The following CTNNA1 variants were observed in gnomAD, a reference collection of about 807,000 sequenced individuals.
CTNNA1 encodes catenin alpha-1.
A neutral mutation model predicts 98.4 loss-of-function variants in CTNNA1; 37 were observed. The ratio of observed to expected loss-of-function variants is 0.38; its 90% CI spans 0.29 to 0.49. The LOEUF (loss-of-function observed/expected upper bound fraction) is 0.49. Among genes scored for constraint, CTNNA1 ranks in the 20% least tolerant of loss-of-function variants. The probability of loss-of-function intolerance (pLI) is 0.95; values close to 1 mark genes in which losing one functional copy is unlikely to be tolerated. For synonymous variants in CTNNA1, 404 were observed against 413.2 expected (o/e 0.98, Z 0.27); for missense variants, 761 against 1,147.2 (o/e 0.66, Z 4.86).
chr5:138,852,859 T>TCG (rs1554089776), intron 7 of CTNNA1, among the ~76,000 whole-genome samples: 7 of 15,644 alleles, frequency 4.5e-4, no homozygotes, highest in East Asian at 0.036. Context: ...TTCCCTCTTT[T>TCG]CGCGCGCGCG....
At chr5:138,875,691 A>G (rs909114990) in intron 7 of CTNNA1, 6 of 985,338 alleles carry the variant, frequency 6.1e-6, no homozygotes, top group Middle Eastern at 5.2e-4. Flanking sequence ...AAATGGGCAG[A>G]AGCCTGCACA....
intron 3 of CTNNA1, among the ~76,000 whole-genome samples, chr5:138,784,932 C>A (rs1755510107): frequency 6.6e-6 from 1 of 152,160 alleles, no homozygotes; most frequent in African/African-American, 2.4e-5. Context: ...TCCAGTATAA[C>A]CTCATCGTAA....
At position 138,874,100 on chromosome 5, in the gene CTNNA1, T is replaced by C; in HGVS notation, c.1063-12112T>C. On this transcript the variant is annotated intron_variant, in intron 7 of 17. Transcript: ENST00000302763. This position sits in a 1 kb window ranked among gnomAD's most constrained non-coding sequence, Gnocchi z 4.1. Reference sequence around the variant, plus strand: ...CAAGGTCTGCAGCTTCCGAAGGCCATAGAAGAGCTCTGGGTGCAGAGATGA... The same window carrying C: ...CAAGGTCTGCAGCTTCCGAAGGCCACAGAAGAGCTCTGGGTGCAGAGATGA... 1.2e-6 allele frequency: 2 copies of C among 1,613,794 alleles called. No individual in the cohort carries two copies. Among genetic ancestry groups the C allele is most frequent in the South Asian group, 2.2e-5 (2 of 91,068 alleles).
chr5:138,932,331 G>A lies in CTNNA1; in HGVS notation c.2299-247G>A. On this transcript the variant is annotated intron_variant, in intron 16 of 17. Coordinates refer to ENST00000302763, the MANE Select transcript of CTNNA1 (RefSeq NM_001903.5). ...GTCAGTGGGAGGCTCAGAAGGCCTT[G>A]GCTATACAACCAGTGCCATGCGGCG... is the stretch of plus-strand genomic sequence containing the variant. 8.4e-6 allele frequency: 11 copies of A among 1,307,280 alleles called. No individual in the cohort carries two copies. The South Asian group carries it at 1.7e-4, about 20-fold the overall frequency. 81.0% of individuals were successfully genotyped at this position (1,307,280 alleles called of 1,614,324 possible).
Position 138,781,088 on chromosome 5 carries a change from G to T in CTNNA1, c.-2-835G>T, listed in dbSNP as rs1463982942. ...ATGAGTGATAATAGCTGTGGGTGCA[G>T]AGGGCAGCTGATTTAAACATTATGT... On this transcript the variant is annotated intron_variant, in intron 1 of 17. Coordinates refer to ENST00000302763, the MANE Select transcript of CTNNA1 (RefSeq NM_001903.5). 3.3e-5 allele frequency among the ~76,000 whole-genome samples: 5 copies of T among 152,322 alleles called. No individual in the cohort carries two copies. In the East Asian group the frequency reaches 9.6e-4, roughly 29 times the overall value.
chr5:138,756,607 G>A (rs150998339), intron 1 of CTNNA1, among the ~76,000 whole-genome samples: 5 of 152,184 alleles, frequency 3.3e-5, no homozygotes, highest in Admixed American at 2.6e-4. Flanking sequence ...GAAAGACTCC[G>A]TGTGTTTAGA....
chr5:138,785,131 G>A (rs1189791141), intron 3 of CTNNA1, among the ~76,000 whole-genome samples: 3 of 147,512 alleles, frequency 2.0e-5, no homozygotes, highest in Non-Finnish European at 3.0e-5. Context: ...GCGGGATCTC[G>A]GCTCACTTCA....
At chr5:138,831,591 T>C (rs546528619) in intron 7 of CTNNA1, among the ~76,000 whole-genome samples, 37 of 151,932 alleles carry the variant, frequency 2.4e-4, no homozygotes, top group South Asian at 1.7e-3. Context: ...TAATCTACTC[T>C]TTCTTCAGGC....
At position 138,874,651 on chromosome 5, in the gene CTNNA1, G is replaced by T; in HGVS notation, c.1063-11561G>T. The T allele has an allele frequency of 1.2e-6, 1 of 828,114 alleles. No homozygotes were observed. The highest frequency in any genetic ancestry group is 1.8e-6 in the Non-Finnish European group (1 of 542,644). 51.3% of individuals were successfully genotyped at this position (828,114 alleles called of 1,614,324 possible). A position where few individuals can be genotyped will look rare whatever the true frequency, so the allele number is the denominator to read the frequency against. ...AAAAACAACCACCACCAACATTATA[G>T]CAAAAGATTTCACTGCATATAACTT... is the stretch of plus-strand genomic sequence containing the variant. On this transcript the variant is annotated intron_variant, in intron 7 of 17. Coordinates refer to ENST00000302763, the MANE Select transcript of CTNNA1 (RefSeq NM_001903.5). The surrounding 1 kb of genome is among the most constrained non-coding windows in gnomAD (Gnocchi z 4.1).
At chr5:138,899,092 A>G (rs1455972580) in intron 9 of CTNNA1, among the ~76,000 whole-genome samples, 1 of 152,144 alleles carries the variant, frequency 6.6e-6, no homozygotes, top group Non-Finnish European at 1.5e-5. Flanking sequence ...TAACATAAAT[A>G]TATTTTTTAA....
chr5:138,761,779 G>C (rs1051746566), intron 1 of CTNNA1, among the ~76,000 whole-genome samples: 1 of 152,070 alleles, frequency 6.6e-6, no homozygotes, highest in African/African-American at 2.4e-5. Context: ...TGTTGATACA[G>C]GGTCTCACTC....
chr5:138,873,863 G>C lies in CTNNA1; in HGVS notation c.1063-12349G>C, dbSNP rs753095418. On this transcript the variant is annotated intron_variant, in intron 7 of 17. Coordinates refer to ENST00000302763, the MANE Select transcript of CTNNA1 (RefSeq NM_001903.5). This position sits in a 1 kb window ranked among gnomAD's most constrained non-coding sequence, Gnocchi z 6.1. ...GATTTTGTTCCATTGTAAGAAGAGC[G>C]TGTGCAGACTGCTTAGCCGTAGGAA... 1 of 1,613,986 alleles carries C rather than the reference G, an allele frequency of 6.2e-7. No homozygotes were observed. Among genetic ancestry groups the C allele is most frequent in the Non-Finnish European group, 8.5e-7 (1 of 1,179,886 alleles).
chr5:138,852,880 C>CACGCGCGCGCGCACACACA (rs1763366091), intron 7 of CTNNA1, among the ~76,000 whole-genome samples: 2 of 151,872 alleles, frequency 1.3e-5, no homozygotes, highest in Non-Finnish European at 2.9e-5. Context: ...CGCACACACA[C>CACGCGCGCGCGCACACACA]ATTTTTGCAT....
At chr5:138,930,962 C>G (rs1177669131) in intron 16 of CTNNA1, 27 bp downstream of exon 16, 2 of 1,458,484 alleles carry the variant, frequency 1.4e-6, no homozygotes, top group African/African-American at 2.8e-5. Flanking sequence ...CCAGGTGGGT[C>G]TCCAAGCTCC....
At chr5:138,810,279 TC>T (rs1255547585) in intron 4 of CTNNA1, 75 bp downstream of exon 4, 4 of 1,509,286 alleles carry the variant, frequency 2.7e-6, no homozygotes, top group Non-Finnish European at 3.6e-6. Context: ...AGTTCAGTAT[TC>T]CTTAGGATTT....
intron 7 of CTNNA1, among the ~76,000 whole-genome samples, chr5:138,851,044 A>G (rs1763139245): frequency 6.6e-6 from 1 of 152,222 alleles, no homozygotes; most frequent in South Asian, 2.1e-4. Flanking sequence ...AACAAAAGGC[A>G]TTTATTGCCT....
chr5:138,811,244 G>A (rs1380170363), intron 4 of CTNNA1, among the ~76,000 whole-genome samples: 8 of 146,064 alleles, frequency 5.5e-5, no homozygotes, highest in African/African-American at 1.5e-4. Flanking sequence ...AGATGGGGTC[G>A]CGGCCGGGCA....
chr5:138,764,868 CTTTTTTTT>C (rs35354499), intron 1 of CTNNA1, among the ~76,000 whole-genome samples: 5 of 84,926 alleles, frequency 5.9e-5, no homozygotes, highest in East Asian at 4.1e-4. Flanking sequence ...GTATCTCTCT[CTTTTTTTT>C]TTTTTTTTTT....
chr5:138,770,767 A>G (rs957627045), intron 1 of CTNNA1, among the ~76,000 whole-genome samples: 7 of 152,150 alleles, frequency 4.6e-5, no homozygotes, highest in Non-Finnish European at 1.0e-4. Context: ...CCTGGCTAAC[A>G]TGGTGAAACC....
Sources: gnomAD v4.1 joint callset for allele counts (sites outside exome capture counted in the v4.1 genomes callset) on GRCh38, gnomAD v4.1.1 for gene constraint, Gnocchi (gnomAD v3.1) non-coding constraint, MANE v1.5 for transcripts, NCBI Gene and HGNC (gene_info 2026-07-23, HGNC 2026-07-21) for gene names.